The following SLC4A7 variants were observed in gnomAD, a reference collection of about 807,000 sequenced individuals.
The protein encoded by SLC4A7 is sodium bicarbonate cotransporter 3.
In SLC4A7, 51 loss-of-function variants were observed where a neutral mutation model predicts 137.6. The observed-to-expected ratio is 0.37, with a 90% CI of 0.30 to 0.47. The LOEUF (loss-of-function observed/expected upper bound fraction) is 0.47. Ranked by LOEUF, SLC4A7 falls within the 20% of genes least tolerant of loss-of-function variation. SLC4A7 has a pLI of 1.00. For missense variants in SLC4A7, 1,247 were observed against 1,525.4 expected, an observed-to-expected ratio of 0.82 and a Z score of 3.04; for synonymous variants, 542 against 518.6, an observed-to-expected ratio of 1.05 and a Z score of -0.61.
At chr3:27,463,674 G>T (rs1175064653) in intron 1 of SLC4A7, among the ~76,000 whole-genome samples, 1 of 152,250 alleles carries the variant, frequency 6.6e-6, no homozygotes, top group South Asian at 2.1e-4. Flanking sequence ...GTGGAGCCGC[G>T]AAGTTTGCGC....
intron 1 of SLC4A7, among the ~76,000 whole-genome samples, chr3:27,455,110 A>G (rs1432875977): frequency 2.0e-5 from 3 of 152,102 alleles, no homozygotes; most frequent in African/African-American, 7.2e-5. Flanking sequence ...AACTTCTCTG[A>G]ACTTTCATTT....
chr3:27,421,561 G>T (rs1490448331), intron 9 of SLC4A7, 61 bp downstream of exon 9: 1 of 1,278,826 alleles, frequency 7.8e-7, no homozygotes, highest in Non-Finnish European at 1.1e-6. Flanking sequence ...TCATTCGCTG[G>T]ATTAAAAACT....
chr3:27,449,453 A>G (rs1446218187), intron 2 of SLC4A7, among the ~76,000 whole-genome samples: 3 of 151,290 alleles, frequency 2.0e-5, no homozygotes, highest in African/African-American at 4.8e-5. Flanking sequence ...TGAAAAAAAA[A>G]TCAATAAAGA....
intron 24 of SLC4A7, 40 bp downstream of exon 24, chr3:27,383,113 C>T (rs1465004624): frequency 9.2e-7 from 1 of 1,087,206 alleles, no homozygotes; most frequent in African/African-American, 1.6e-5. Flanking sequence ...ATACATTTGA[C>T]ATGCATATAA....
intron 11 of SLC4A7, among the ~76,000 whole-genome samples, chr3:27,416,194 T>G (rs2054368008): frequency 6.6e-6 from 1 of 152,200 alleles, no homozygotes; most frequent in Non-Finnish European, 1.5e-5. Flanking sequence ...AGAGACAAAC[T>G]GCTGATGTGG....
At chr3:27,386,100 T>C in intron 22 of SLC4A7, 77 bp from the exon 23 acceptor site, 1 of 1,168,192 alleles carries the variant, frequency 8.6e-7, no homozygotes, top group Non-Finnish European at 1.2e-6. Flanking sequence ...AGCATATTTA[T>C]TAAATCTTAT....
At chr3:27,384,562 TTGTTA>T (rs2050746389) in intron 23 of SLC4A7, among the ~76,000 whole-genome samples, 1 of 152,228 alleles carries the variant, frequency 6.6e-6, no homozygotes. Context: ...CTTTTGTTTT[TTGTTA>T]TATATGACGA....
intron 13 of SLC4A7, among the ~76,000 whole-genome samples, chr3:27,407,696 T>C (rs2053522686): frequency 6.6e-6 from 1 of 152,154 alleles, no homozygotes; most frequent in South Asian, 2.1e-4. Context: ...CAGAATTTCA[T>C]CATTCTGATT....
At position 27,433,986 on chromosome 3, in the gene SLC4A7, C is replaced by T. The variant is rs745832844; in HGVS notation, c.708G>A (p.Arg236=). The T allele has an allele frequency of 1.2e-5, 20 of 1,613,878 alleles. No homozygotes were observed. In the South Asian group the frequency reaches 2.1e-4, roughly 17 times the overall value. The change falls in exon 6 of 26, where the codon CGG becomes CGA. Residue 236 remains arginine (R), a synonymous_variant. Transcript: ENST00000454389. ...CTGCAAAAGATCGAACAAGAGGAAT[C>T]CGACTGGTGAATCTTTTCTCATTCT... ...HHQNEKRFTS[R]IPLVRSFADI...
chr3:27,463,531 A>C (rs9831955), intron 1 of SLC4A7, among the ~76,000 whole-genome samples: 3,662 of 151,736 alleles, frequency 0.024, 165 homozygotes, highest in African/African-American at 0.085. Context: ...CAAGAGCGAA[A>C]CTCCACCTCA....
At chr3:27,419,492 C>T (rs2054724575) in intron 10 of SLC4A7, among the ~76,000 whole-genome samples, 1 of 151,694 alleles carries the variant, frequency 6.6e-6, no homozygotes, top group Non-Finnish European at 1.5e-5. Flanking sequence ...TGTGCCACCA[C>T]ACCCAGCTAA....
At chr3:27,433,718 T>C (rs1362817833) in intron 6 of SLC4A7, among the ~76,000 whole-genome samples, 198 bp downstream of exon 6, 2 of 152,152 alleles carry the variant, frequency 1.3e-5, no homozygotes, top group Non-Finnish European at 2.9e-5. Context: ...AAAGGTAATA[T>C]TAAAAATTAT....
At chr3:27,468,564 T>A (rs1444012859) in intron 1 of SLC4A7, among the ~76,000 whole-genome samples, 1 of 151,160 alleles carries the variant, frequency 6.6e-6, no homozygotes, top group Non-Finnish European at 1.5e-5. Flanking sequence ...CTGGGCAACA[T>A]GGTTCTAGGA....
In SLC4A7 at chr3:27,425,508, C is replaced by G. The variant is rs186729664; in HGVS notation, c.1151-1356G>C. On this transcript the variant is annotated intron_variant, in intron 7 of 25. Transcript: ENST00000454389. ...CCTGACCAACATGGAGAAACACCCT[C>G]TCTACTAAAACTACAAAATTAGCCT... Among the ~76,000 whole-genome samples, 810 of 150,638 alleles carry G rather than the reference C, an allele frequency of 5.4e-3. 22 individuals carry two copies. Among genetic ancestry groups the G allele is most frequent in the Non-Finnish European group, 3.2e-3 (215 of 67,690 alleles).
At chr3:27,420,882 G>A (rs538745215) in intron 9 of SLC4A7, 95 bp from the exon 10 acceptor site, 13 of 783,354 alleles carry the variant, frequency 1.7e-5, no homozygotes, top group Non-Finnish European at 2.5e-5. Context: ...TATAAACAAA[G>A]AAACAACACT....
chr3:27,470,108 T>C (rs2150695873), intron 1 of SLC4A7, among the ~76,000 whole-genome samples: 1 of 152,362 alleles, frequency 6.6e-6, no homozygotes, highest in Non-Finnish European at 1.5e-5. Context: ...TGCCATAGCA[T>C]TAAAGATATT....
intron 1 of SLC4A7, 38 bp downstream of exon 1, chr3:27,484,028 TC>T: frequency 5.9e-6 from 8 of 1,346,696 alleles, no homozygotes; most frequent in South Asian, 3.3e-5. Flanking sequence ...CCCCGCGCCC[TC>T]CCCCTGCGGA....
At chr3:27,391,989 T>C (rs900752751) in intron 20 of SLC4A7, 181 bp from the exon 21 acceptor site, 27 of 452,562 alleles carry the variant, frequency 6.0e-5, no homozygotes, top group African/African-American at 4.9e-4. Context: ...ATGACTCATC[T>C]TCTACATGCT....
rs201077455 is a variant in SLC4A7, at chr3:27,415,917, C to T, written c.1659+2569G>A. Among the ~76,000 whole-genome samples, 8 of 152,278 alleles carry T rather than the reference C, an allele frequency of 5.3e-5. No individual in the cohort carries two copies. In the East Asian group the frequency reaches 1.5e-3, roughly 29 times the overall value. On this transcript the variant is annotated intron_variant, in intron 11 of 25. Coordinates refer to ENST00000454389, the MANE Select transcript of SLC4A7 (RefSeq NM_001321103.2). ...CAGTGACGACTTTACGTTTCCTTTT[C>T]TTTTTACAATGATCCTTACGCTGGA...
Sources: gnomAD v4.1 joint callset for allele counts (sites outside exome capture counted in the v4.1 genomes callset) on GRCh38, gnomAD v4.1.1 for gene constraint, MANE v1.5 for transcripts, NCBI Gene and HGNC (gene_info 2026-07-23, HGNC 2026-07-21) for gene names.